BCAS3: variants seen among roughly 807,000 people sequenced by gnomAD.
BCAS3 encodes the protein BCAS4/BCAS3 fusion.
In BCAS3, 53 loss-of-function variants were observed where a neutral mutation model predicts 116.1. The observed-to-expected ratio is 0.46, with a 90% CI of 0.37 to 0.57. The LOEUF is 0.57. BCAS3 is among the 20% of genes least tolerant of loss of function. The pLI is 0.00. For synonymous variants in BCAS3, 391 were observed against 408.2 expected (o/e 0.96, Z 0.51); for missense variants, 917 against 1,165.4 (o/e 0.79, Z 3.10).
intron 23 of BCAS3, among the ~76,000 whole-genome samples, chr17:61,375,323 G>T (rs1395625092): frequency 6.6e-6 from 1 of 150,496 alleles, no homozygotes; most frequent in Non-Finnish European, 1.5e-5. Context: ...TGTTTTTACT[G>T]GAGTCAATCA....
intron 6 of BCAS3, among the ~76,000 whole-genome samples, chr17:60,757,215 C>G (rs1385814989): frequency 6.6e-6 from 1 of 151,370 alleles, no homozygotes; most frequent in African/African-American, 2.4e-5. Context: ...ACTTGGGGGG[C>G]TGAGGCAGGG....
chr17:60,997,566 C>CA (rs1490320633), intron 15 of BCAS3, among the ~76,000 whole-genome samples: 2 of 152,192 alleles, frequency 1.3e-5, no homozygotes, highest in African/African-American at 2.4e-5. Flanking sequence ...GCATTCCTTT[C>CA]ACCAGTTAGT....
chr17:61,052,409 C>T lies in BCAS3; in HGVS notation c.2029+11517C>T, dbSNP rs566249988. 1.2e-4 allele frequency among the ~76,000 whole-genome samples: 18 copies of T among 151,880 alleles called. No individual in the cohort carries two copies. In the South Asian group the frequency reaches 3.5e-3, roughly 30 times the overall value. On this transcript the variant is annotated intron_variant, in intron 19 of 23. Transcript: ENST00000407086. ...CTTTATATCTTTTATTTTCCTCTTC[C>T]TTATCTACATGTTTGACCATATGGA...
chr17:60,898,578 T>C (rs1278242722), intron 10 of BCAS3, among the ~76,000 whole-genome samples: 1 of 152,152 alleles, frequency 6.6e-6, no homozygotes, highest in Non-Finnish European at 1.5e-5. Flanking sequence ...GTCATCAGTA[T>C]GCAGTGGTGG....
chr17:61,384,052 A>C (rs886679584), intron 23 of BCAS3: 10 of 152,302 alleles, frequency 6.6e-5, no homozygotes, highest in African/African-American at 2.4e-4. Flanking sequence ...TCCCCTCTTC[A>C]TAGCCGGGCA....
At position 60,747,280 on chromosome 17, in the gene BCAS3, G is replaced by A; in HGVS notation, c.403+1G>A. The A allele has an allele frequency of 6.2e-7, 1 of 1,610,158 alleles. No homozygotes were observed. Among genetic ancestry groups the A allele is most frequent in the South Asian group, 1.1e-5 (1 of 90,948 alleles). On this transcript the variant is annotated splice_donor_variant, in intron 6 of 23. Coordinates refer to ENST00000407086, the MANE Select transcript of BCAS3 (RefSeq NM_017679.5). LOFTEE classifies it high-confidence loss of function. Reference sequence around the variant, plus strand: ...AGAATCTTGCCTGCTCCACAGTTTGGTGAGTGTAGTCCTTAAGAAAAGAAT... The same window carrying A: ...AGAATCTTGCCTGCTCCACAGTTTGATGAGTGTAGTCCTTAAGAAAAGAAT...
chr17:60,952,689 A>G (rs933414470), intron 14 of BCAS3, among the ~76,000 whole-genome samples: 1 of 151,916 alleles, frequency 6.6e-6, no homozygotes, highest in African/African-American at 2.4e-5. Context: ...GTCATGGGGG[A>G]TTGTTGTACA....
chr17:61,334,209 G>T (rs1319745647), intron 22 of BCAS3, among the ~76,000 whole-genome samples: 1 of 152,188 alleles, frequency 6.6e-6, no homozygotes, highest in Admixed American at 6.6e-5. Flanking sequence ...AGATGAGAGA[G>T]GGAGGATATG....
At chr17:61,035,424 AAT>A (rs1473978080) in intron 17 of BCAS3, among the ~76,000 whole-genome samples, 1 of 151,998 alleles carries the variant, frequency 6.6e-6, no homozygotes, top group Non-Finnish European at 1.5e-5. Context: ...CTCTACTAAA[AAT>A]ACAAAAATTA....
In BCAS3 at chr17:61,077,243, C is replaced by T. The variant is rs1407274554; in HGVS notation, c.2131-1090C>T. ...GTTTAATAAAGTATTGGCGGCCGGGCGCAGTGGCTCACGCCTGTAATCCCA... is the reference window on the plus strand; with the variant it reads ...GTTTAATAAAGTATTGGCGGCCGGGTGCAGTGGCTCACGCCTGTAATCCCA... On this transcript the variant is annotated intron_variant, in intron 20 of 23. Coordinates refer to ENST00000407086, the MANE Select transcript of BCAS3 (RefSeq NM_017679.5). This position sits in a 1 kb window ranked among gnomAD's most constrained non-coding sequence, Gnocchi z 4.3. Among the ~76,000 whole-genome samples, 2 of 152,056 alleles carry T rather than the reference C, an allele frequency of 1.3e-5. No homozygotes were observed. The highest frequency in any genetic ancestry group is 2.4e-5 in the African/African-American group (1 of 41,402).
chr17:61,306,145 C>A (rs1321083928), intron 22 of BCAS3, among the ~76,000 whole-genome samples: 1 of 152,144 alleles, frequency 6.6e-6, no homozygotes, highest in Non-Finnish European at 1.5e-5. Context: ...GCCGCAAATT[C>A]TATATGTGGA....
intron 5 of BCAS3, chr17:60,727,295 T>A (rs2039982707): frequency 8.7e-7 from 1 of 1,151,700 alleles, no homozygotes; most frequent in South Asian, 1.2e-5. Context: ...CACAGTCTTC[T>A]TTGTGGTCTT....
intron 7 of BCAS3, among the ~76,000 whole-genome samples, chr17:60,823,920 A>G (rs1302343474): frequency 6.6e-6 from 1 of 152,164 alleles, no homozygotes; most frequent in Non-Finnish European, 1.5e-5. Context: ...CTCATTAAGC[A>G]TGTCTGATTC....
chr17:60,731,775 C>T (rs961390816), intron 5 of BCAS3, among the ~76,000 whole-genome samples: 38 of 146,592 alleles, frequency 2.6e-4, no homozygotes, highest in Non-Finnish European at 4.6e-4. Flanking sequence ...GCTTATCACC[C>T]TCCTATTTTT....
chr17:61,252,090 A>G (rs2048412595), intron 22 of BCAS3, among the ~76,000 whole-genome samples: 1 of 152,246 alleles, frequency 6.6e-6, no homozygotes, highest in Non-Finnish European at 1.5e-5. Context: ...TTAAAAGGCA[A>G]TTAAAACGTA....
At chr17:60,886,782 T>C (rs2056683285) in intron 9 of BCAS3, among the ~76,000 whole-genome samples, 1 of 152,118 alleles carries the variant, frequency 6.6e-6, no homozygotes, top group African/African-American at 2.4e-5. Flanking sequence ...GGGACCCACT[T>C]GAGGAGGCAG....
chr17:61,191,142 A>G (rs1437343528), intron 22 of BCAS3, among the ~76,000 whole-genome samples: 2 of 152,070 alleles, frequency 1.3e-5, no homozygotes, highest in African/African-American at 4.8e-5. Context: ...ATTTAAAAAA[A>G]AATTACACAT....
chr17:60,999,549 A>G (rs1600347838), intron 15 of BCAS3, among the ~76,000 whole-genome samples: 2 of 147,362 alleles, frequency 1.4e-5, no homozygotes, highest in African/African-American at 5.2e-5. Context: ...TGTGTCTCAA[A>G]AAAAAAAAAA....
At chr17:61,094,128 A>G (rs1157919402) in intron 22 of BCAS3, among the ~76,000 whole-genome samples, 1 of 152,240 alleles carries the variant, frequency 6.6e-6, no homozygotes, top group Non-Finnish European at 1.5e-5. Context: ...AACTATTGCT[A>G]GTAGCCTCTG....
Sources: gnomAD v4.1 joint callset for allele counts (sites outside exome capture counted in the v4.1 genomes callset) on GRCh38, gnomAD v4.1.1 for gene constraint, Gnocchi (gnomAD v3.1) non-coding constraint, MANE v1.5 for transcripts, NCBI Gene and HGNC (gene_info 2026-07-23, HGNC 2026-07-21) for gene names.